The following UBE2K variants were observed in gnomAD, a reference collection of about 807,000 sequenced individuals.
The protein encoded by UBE2K is ubiquitin conjugating enzyme E2 K, also known as ubiquitin-conjugating enzyme E2 K.
UBE2K carries 6 observed loss-of-function variants against 30.0 expected under a neutral mutation model. The observed-to-expected ratio is 0.20, with a 90% confidence interval of 0.11 to 0.39. The LOEUF is 0.39. Ranked by LOEUF, UBE2K falls within the 10% of genes least tolerant of loss-of-function variation. The pLI, the probability that UBE2K is intolerant of heterozygous loss-of-function variation, is 1.00. For missense variants in UBE2K, 61 were observed against 241.6 expected, an observed-to-expected ratio of 0.25 and a Z score of 4.96; for synonymous variants, 86 against 83.7, an observed-to-expected ratio of 1.03 and a Z score of -0.15.
intron 1 of UBE2K, among the ~76,000 whole-genome samples, chr4:39,715,632 A>AT (rs1363973148): frequency 1.3e-5 from 2 of 151,830 alleles, no homozygotes; most frequent in Non-Finnish European, 2.9e-5. Context: ...AAAGTAGTCA[A>AT]TTTTTTTCTG....
chr4:39,739,520 C>T (rs991751677), intron 2 of UBE2K, among the ~76,000 whole-genome samples: 2 of 138,720 alleles, frequency 1.4e-5, no homozygotes, highest in Non-Finnish European at 3.0e-5. Context: ...GATCTTGGCT[C>T]ACTGCAACCT....
chr4:39,765,188 T>C (rs907069031), intron 4 of UBE2K, among the ~76,000 whole-genome samples: 14 of 152,044 alleles, frequency 9.2e-5, no homozygotes, highest in African/African-American at 3.1e-4. Flanking sequence ...TCTGGCCTAC[T>C]TAAAACTTTT....
chr4:39,742,421 G>C (rs1226204496), intron 2 of UBE2K, among the ~76,000 whole-genome samples: 2 of 151,732 alleles, frequency 1.3e-5, no homozygotes, highest in African/African-American at 4.8e-5. Flanking sequence ...ACTCATGCAT[G>C]AATCACTATG....
intron 2 of UBE2K, among the ~76,000 whole-genome samples, chr4:39,739,267 G>T (rs991389727): frequency 1.3e-5 from 2 of 151,614 alleles, no homozygotes; most frequent in African/African-American, 4.8e-5. Context: ...TCCTGACCTC[G>T]TGATCTGCCA....
At chr4:39,726,479 C>T (rs1286695247) in intron 1 of UBE2K, among the ~76,000 whole-genome samples, 1 of 152,142 alleles carries the variant, frequency 6.6e-6, no homozygotes, top group East Asian at 1.9e-4. Context: ...CCTCAGTCTC[C>T]CAAAGTGCTG....
At chr4:39,744,956 G>A (rs1487791951) in intron 2 of UBE2K, among the ~76,000 whole-genome samples, 1 of 148,566 alleles carries the variant, frequency 6.7e-6, no homozygotes, top group African/African-American at 2.5e-5. Context: ...ATAAATAAAT[G>A]AAGGAATAGT....
intron 4 of UBE2K, among the ~76,000 whole-genome samples, chr4:39,761,876 A>G (rs943421420): frequency 2.8e-4 from 42 of 151,136 alleles, no homozygotes; most frequent in Non-Finnish European, 5.5e-4. Flanking sequence ...TTTTTTTTAA[A>G]GTTTTAGGCC....
In UBE2K at chr4:39,782,721, T is replaced by G. The variant is rs912901897; in HGVS notation, c.*4287T>G. 6.6e-6 allele frequency: 1 copy of G among 152,204 alleles called. No homozygotes were observed. Among genetic ancestry groups the G allele is most frequent in the African/African-American group, 2.4e-5 (1 of 41,460 alleles). The allele number at this position is 152,204 out of a possible 1,614,324, so 9.4% of individuals were successfully genotyped here. ...ATTTTTTAAAAAATAAACACATTTTTAAAGATGTTGAATTTTTCCCCCCTT... is the reference window on the plus strand; with the variant it reads ...ATTTTTTAAAAAATAAACACATTTTGAAAGATGTTGAATTTTTCCCCCCTT... On this transcript the variant is annotated 3_prime_UTR_variant, in exon 7 of 7. Coordinates refer to ENST00000261427, the MANE Select transcript of UBE2K (RefSeq NM_005339.5).
At chr4:39,760,459 T>C (rs1263107916) in intron 4 of UBE2K, among the ~76,000 whole-genome samples, 1 of 152,108 alleles carries the variant, frequency 6.6e-6, no homozygotes, top group African/African-American at 2.4e-5. Context: ...GAGCACTACA[T>C]AAACAGTAAA....
rs181871954 is a variant in UBE2K at position 39,758,683 on chromosome 4, T to C, written c.299+2944T>C. Among the ~76,000 whole-genome samples, 336 of 134,918 alleles carry C rather than the reference T, an allele frequency of 2.5e-3. 6 individuals are homozygous for C. The highest frequency in any genetic ancestry group is 0.021 in the Admixed American group (277 of 13,478). The allele number at this position is 134,918 out of a possible 152,430, so 88.5% of individuals were successfully genotyped here. On this transcript the variant is annotated intron_variant, in intron 4 of 6. Transcript: ENST00000261427. ...ACGGAGTGAGACCCCATCTCAAAAA[T>C]AAAAAAAAAAAAGAAAGAAAAAGTT...
Position 39,737,422 on chromosome 4 carries a change from G to C in UBE2K, c.66G>C (p.Thr22=). ...EFKEVLKSEE[T]SKNQIKVDLV... ...TTTATTTTCTGTTTATTTTTAAGAC[G>C]AGCAAAAATCAAATTAAAGTAGATC... is the stretch of plus-strand genomic sequence containing the variant. Residue 22 remains threonine (T), a splice_region_variant and synonymous_variant, in exon 2 of 7, where the codon ACG becomes ACC. Coordinates refer to ENST00000261427, the MANE Select transcript of UBE2K (RefSeq NM_005339.5). 6.5e-7 allele frequency: 1 copy of C among 1,532,704 alleles called. No individual in the cohort carries two copies. Among genetic ancestry groups the C allele is most frequent in the Admixed American group, 2.3e-5 (1 of 43,572 alleles). 94.9% of individuals were successfully genotyped at this position (1,532,704 alleles called of 1,614,324 possible). A position where few individuals can be genotyped will look rare whatever the true frequency, so the allele number is the denominator to read the frequency against.
chr4:39,762,550 A>G (rs1001875859), intron 4 of UBE2K, among the ~76,000 whole-genome samples: 2 of 152,240 alleles, frequency 1.3e-5, no homozygotes. Context: ...TTATGATCAC[A>G]GCAGAAGATG....
intron 4 of UBE2K, among the ~76,000 whole-genome samples, chr4:39,760,104 G>A (rs1218613565): frequency 6.8e-6 from 1 of 147,188 alleles, no homozygotes; most frequent in African/African-American, 2.5e-5. Flanking sequence ...TTGAACCTGG[G>A]AGGCAGAGGT....
intron 4 of UBE2K, chr4:39,771,219 G>A (rs1199560228): frequency 1.2e-6 from 2 of 1,612,592 alleles, no homozygotes; most frequent in South Asian, 1.1e-5. Flanking sequence ...TGTGCATCAG[G>A]GAGACCTGCA....
chr4:39,706,825 A>G (rs891774263), intron 1 of UBE2K, among the ~76,000 whole-genome samples: 5 of 149,030 alleles, frequency 3.4e-5, no homozygotes, highest in African/African-American at 4.8e-5. Flanking sequence ...GGTTGGAGAT[A>G]CAGGACAAAG....
chr4:39,770,568 G>T, intron 4 of UBE2K: 3 of 1,587,038 alleles, frequency 1.9e-6, no homozygotes, highest in Non-Finnish European at 1.7e-6. Flanking sequence ...CACCAGGCCC[G>T]AGGTGGCCCC....
Position 39,782,185 on chromosome 4 carries a change from G to A in UBE2K, c.*3751G>A, listed in dbSNP as rs187747066. The A allele has an allele frequency of 1.8e-5, 7 of 382,504 alleles. No homozygotes were observed. Among genetic ancestry groups the A allele is most frequent in the Non-Finnish European group, 2.8e-5 (6 of 215,868 alleles). 23.7% of individuals were successfully genotyped at this position (382,504 alleles called of 1,614,324 possible). ...TTTGCTTGGTTATTTCAACCATGCT[G>A]CTATATATAATCAGGTGTGGCACAG... On this transcript the variant is annotated 3_prime_UTR_variant, in exon 7 of 7. Coordinates refer to ENST00000261427, the MANE Select transcript of UBE2K (RefSeq NM_005339.5).
Position 39,718,597 on chromosome 4 carries a change from G to A in UBE2K, c.64-18823G>A, listed in dbSNP as rs565870074. Among the ~76,000 whole-genome samples the A allele has an allele frequency of 2.6e-5, 4 of 152,344 alleles. No homozygotes were observed. The South Asian group carries it at 8.3e-4, about 32-fold the overall frequency. On this transcript the variant is annotated intron_variant, in intron 1 of 6. Coordinates refer to ENST00000261427, the MANE Select transcript of UBE2K (RefSeq NM_005339.5). ...TCAGGCCACGCAGGAGCCCACGGCA[G>A]GGGGGCAGGACTCAGGCATGGCGGG... is the stretch of plus-strand genomic sequence containing the variant.
intron 1 of UBE2K, among the ~76,000 whole-genome samples, chr4:39,716,664 C>T (rs1054382277): frequency 1.3e-5 from 2 of 152,024 alleles, no homozygotes; most frequent in African/African-American, 2.4e-5. Context: ...AGTTTGAGAC[C>T]GATCTGGGCA....
Sources: allele counts gnomAD v4.1 joint callset (sites outside exome capture counted in the v4.1 genomes callset), GRCh38; gene constraint gnomAD v4.1.1; transcripts MANE v1.5; gene names NCBI Gene and HGNC (gene_info 2026-07-23, HGNC 2026-07-21).